The following PCDH11Y variants were observed in gnomAD, a reference collection of about 807,000 sequenced individuals.
The protein encoded by PCDH11Y is protocadherin 11 Y-linked.
For missense variants in PCDH11Y, 12 were observed against 224.8 expected, an observed-to-expected ratio of 0.05 and a Z score of 6.05; for synonymous variants, 9 against 83.6, an observed-to-expected ratio of 0.11 and a Z score of 4.87.
chrY:5,375,405 G>A, intron 2 of PCDH11Y, among the ~76,000 whole-genome samples: 3 of 26,802 alleles, frequency 1.1e-4, no homozygotes, highest in Admixed American at 7.1e-4. Context: ...TTTCCTCATT[G>A]AGTTATTTGT....
At chrY:5,349,347 A>G in intron 2 of PCDH11Y, among the ~76,000 whole-genome samples, 3 of 33,334 alleles carry the variant, frequency 9.0e-5, no homozygotes, top group Non-Finnish European at 2.2e-4. Flanking sequence ...AATATATTTG[A>G]ACTAAAATGC....
intron 1 of PCDH11Y, among the ~76,000 whole-genome samples, chrY:5,097,999 C>T (rs2052756811): frequency 9.4e-5 from 3 of 31,900 alleles, no homozygotes; most frequent in Non-Finnish European, 1.5e-4. Flanking sequence ...CTTGTAATCA[C>T]GATATTTGTT....
chrY:5,452,737 T>C, intron 2 of PCDH11Y, among the ~76,000 whole-genome samples: 1 of 33,491 alleles, frequency 3.0e-5, no homozygotes, highest in African/African-American at 1.2e-4. Flanking sequence ...TCACCCCTAA[T>C]TTTATACAAC....
chrY:5,311,485 A>T (rs1221127435), intron 2 of PCDH11Y, among the ~76,000 whole-genome samples: 99 of 24,500 alleles, frequency 4.0e-3, no homozygotes, highest in Non-Finnish European at 7.0e-3. Flanking sequence ...ATATATATAT[A>T]TATATATATA....
At chrY:5,355,051 A>G in intron 2 of PCDH11Y, among the ~76,000 whole-genome samples, 1 of 32,470 alleles carries the variant, frequency 3.1e-5, no homozygotes, top group Non-Finnish European at 7.5e-5. Context: ...ACCTGAGGTC[A>G]GGAGTTCGAG....
chrY:5,064,038 T>C, intron 1 of PCDH11Y, among the ~76,000 whole-genome samples: 1 of 32,604 alleles, frequency 3.1e-5, no homozygotes, highest in Admixed American at 2.9e-4. Flanking sequence ...TTGCTTATTA[T>C]TTATACATTG....
downstream of PCDH11Y, among the ~76,000 whole-genome samples, chrY:5,105,627 C>CA (rs747117786): frequency 6.7e-3 from 29 of 4,330 alleles, no homozygotes; most frequent in East Asian, 0.022. Context: ...GACTCCGTCT[C>CA]AAAAAAAAAA....
At chrY:5,549,339 G>C in intron 3 of PCDH11Y, among the ~76,000 whole-genome samples, 1 of 29,267 alleles carries the variant, frequency 3.4e-5, no homozygotes, top group Non-Finnish European at 8.2e-5. Flanking sequence ...CATGTGGCCA[G>C]CAGGCATATG....
intron 3 of PCDH11Y, among the ~76,000 whole-genome samples, chrY:5,559,642 A>T: frequency 6.2e-5 from 2 of 32,473 alleles, no homozygotes; most frequent in African/African-American, 2.4e-4. Context: ...GTCTCACAAG[A>T]TCTGATGGCT....
At chrY:5,107,399 T>C, downstream of PCDH11Y, among the ~76,000 whole-genome samples, 1 of 33,068 alleles carries the variant, frequency 3.0e-5, no homozygotes, top group African/African-American at 1.2e-4. Context: ...GTATTTAAAT[T>C]TGGGCCATAG....
intron 2 of PCDH11Y, among the ~76,000 whole-genome samples, chrY:5,423,959 C>T: frequency 3.0e-5 from 1 of 33,322 alleles, no homozygotes; most frequent in Non-Finnish European, 7.4e-5. Context: ...TATATTTTTT[C>T]ACAATGAAAG....
intron 4 of PCDH11Y, among the ~76,000 whole-genome samples, chrY:5,683,401 T>C (rs9786656): frequency 0.14 from 4,546 of 32,031 alleles, no homozygotes; most frequent in African/African-American, 0.57. Flanking sequence ...CAAAGTAATC[T>C]ACAGATTCAA....
intron 2 of PCDH11Y, among the ~76,000 whole-genome samples, chrY:5,244,505 G>T: frequency 3.0e-5 from 1 of 33,387 alleles, no homozygotes; most frequent in Non-Finnish European, 7.4e-5. Flanking sequence ...GTGGTTTGAC[G>T]GCCCACCCAA....
At chrY:5,423,383 A>G in intron 2 of PCDH11Y, among the ~76,000 whole-genome samples, 4 of 33,689 alleles carry the variant, frequency 1.2e-4, no homozygotes, top group Admixed American at 5.5e-4. Context: ...TCTTCAAATA[A>G]TTAAACAGAA....
intron 2 of PCDH11Y, among the ~76,000 whole-genome samples, chrY:5,278,340 G>A (rs1602898502): frequency 6.4e-5 from 2 of 31,376 alleles, no homozygotes; most frequent in Non-Finnish European, 1.5e-4. Context: ...TAGTAGAGAC[G>A]GCGTTTCACC....
chrY:5,602,622 G>T, intron 4 of PCDH11Y, among the ~76,000 whole-genome samples: 2 of 31,065 alleles, frequency 6.4e-5, no homozygotes, highest in Non-Finnish European at 1.6e-4. Context: ...GCCAAGTTTT[G>T]TGAGTTTATT....
intron 2 of PCDH11Y, among the ~76,000 whole-genome samples, chrY:5,381,552 G>A: frequency 3.0e-5 from 1 of 33,264 alleles, no homozygotes; most frequent in African/African-American, 1.2e-4. Context: ...AAATCACTGT[G>A]AATGCAGACA....
chrY:5,657,362 G>T (rs2053537419), intron 4 of PCDH11Y, among the ~76,000 whole-genome samples: 1 of 32,896 alleles, frequency 3.0e-5, no homozygotes, highest in South Asian at 6.6e-4. Context: ...TTCTTATAGT[G>T]TTTATCTTGA....
At chrY:5,560,702 C>A in intron 3 of PCDH11Y, among the ~76,000 whole-genome samples, 1 of 33,248 alleles carries the variant, frequency 3.0e-5, no homozygotes. Context: ...GGTTTGGGAA[C>A]CTCTGCCTAG....
Sources: gnomAD v4.1 joint callset for allele counts (sites outside exome capture counted in the v4.1 genomes callset) on GRCh38, gnomAD v4.1.1 for gene constraint, MANE v1.5 for transcripts, NCBI Gene and HGNC (gene_info 2026-07-23, HGNC 2026-07-21) for gene names.